CERS3: variants seen among roughly 807,000 people sequenced by gnomAD.
The protein encoded by CERS3 is LAG1 homolog, ceramide synthase 3.
A neutral mutation model predicts 50.3 loss-of-function variants in CERS3; 33 were observed. That is an observed-to-expected ratio of 0.66 (90% CI 0.50 to 0.88). The LOEUF is 0.88. Ranked by LOEUF, CERS3 falls within the 40% of genes least tolerant of loss-of-function variation. CERS3 has a pLI of 0.00. For missense variants in CERS3, 470 were observed against 460.3 expected (o/e 1.02, Z -0.19); for synonymous variants, 176 against 155.2 (o/e 1.13, Z -0.99).
At chr15:100,497,650 T>C (rs2035861444) in intron 3 of CERS3, among the ~76,000 whole-genome samples, 1 of 152,040 alleles carries the variant, frequency 6.6e-6, no homozygotes. Context: ...AAGCATAACA[T>C]TCTTCTCTAG....
chr15:100,500,188 T>A (rs957860788), intron 3 of CERS3: 1 of 152,212 alleles, frequency 6.6e-6, no homozygotes, highest in African/African-American at 2.4e-5. Flanking sequence ...AAAAGAGATA[T>A]GGCATTAGTG....
intron 11 of CERS3, among the ~76,000 whole-genome samples, chr15:100,418,996 A>G (rs1334370926): frequency 2.6e-5 from 4 of 151,506 alleles, no homozygotes; most frequent in Middle Eastern, 6.8e-3. Flanking sequence ...TGTAAAGACC[A>G]TCGAGACTAG....
At chr15:100,479,355 G>T in intron 7 of CERS3, 73 bp downstream of exon 7, 1 of 1,162,718 alleles carries the variant, frequency 8.6e-7, no homozygotes, top group Non-Finnish European at 1.3e-6. Flanking sequence ...AGGGGACCAA[G>T]ACGTAACTAA....
At chr15:100,541,890 C>T (rs1019973731) in intron 1 of CERS3, among the ~76,000 whole-genome samples, 1 of 152,130 alleles carries the variant, frequency 6.6e-6, no homozygotes, top group African/African-American at 2.4e-5. Context: ...AAATAATTTG[C>T]TTGATCCTGT....
At chr15:100,496,362 C>A (rs2035814486) in intron 3 of CERS3, among the ~76,000 whole-genome samples, 2 of 151,890 alleles carry the variant, frequency 1.3e-5, no homozygotes, top group African/African-American at 2.4e-5. Context: ...TAGAAAGGAA[C>A]CACTGATATA....
rs376498550 is a variant in CERS3 at position 100,479,609 on chromosome 15, C to T, written c.466-131G>A. The T allele has an allele frequency of 1.1e-5, 7 of 665,214 alleles. 1 individual carries two copies. The highest frequency in any genetic ancestry group is 9.1e-5 in the African/African-American group (5 of 54,966). 41.2% of individuals were successfully genotyped at this position (665,214 alleles called of 1,614,324 possible). On this transcript the variant is annotated intron_variant, in intron 6 of 11. Transcript: ENST00000679737. ...CAGGCAAAGATGCACAGGAAATTGA[C>T]CTTTGCCATATTCTTTTGCTTCTAT...
chr15:100,446,102 CT>C, intron 11 of CERS3, among the ~76,000 whole-genome samples: 1 of 103,916 alleles, frequency 9.6e-6, no homozygotes, highest in Admixed American at 1.2e-4. Context: ...CCTTCACTGA[CT>C]CTCTTTTCGG....
At chr15:100,503,710 C>G (rs1338404888) in intron 2 of CERS3, 1 of 470,970 alleles carries the variant, frequency 2.1e-6, no homozygotes, top group Non-Finnish European at 4.4e-6. Flanking sequence ...GGGCACATGC[C>G]TGGCAGCTCT....
Position 100,408,153 on chromosome 15 carries a change from T to C in CERS3, c.1000-5288A>G, listed in dbSNP as rs146160157. ...TCCCAAAGTGCTGGGATTACAGGTG[T>C]AAGCCACCACACTCGGCCAATTTTA... On this transcript the variant is annotated intron_variant, in intron 11 of 11. Coordinates refer to ENST00000679737, the MANE Select transcript of CERS3 (RefSeq NM_001378789.1). 8.8e-3 allele frequency among the ~76,000 whole-genome samples: 1,340 copies of C among 152,314 alleles called. 13 individuals are homozygous for C. The highest frequency in any genetic ancestry group is 0.03 in the African/African-American group (1,257 of 41,560).
chr15:100,408,232 C>G (rs1451857778), intron 11 of CERS3, among the ~76,000 whole-genome samples: 1 of 152,174 alleles, frequency 6.6e-6, no homozygotes, highest in African/African-American at 2.4e-5. Flanking sequence ...GTCCTGGAAC[C>G]AATCCCCCAT....
At chr15:100,454,888 A>AAAT (rs79421394) in intron 11 of CERS3, among the ~76,000 whole-genome samples, 1 of 152,096 alleles carries the variant, frequency 6.6e-6, no homozygotes, top group African/African-American at 2.4e-5. Context: ...CAACAACAAC[A>AAAT]AATAATAATG....
At chr15:100,485,535 A>C (rs920281800) in intron 4 of CERS3, among the ~76,000 whole-genome samples, 3 of 152,226 alleles carry the variant, frequency 2.0e-5, no homozygotes, top group African/African-American at 7.2e-5. Flanking sequence ...AAATATGCTC[A>C]TAAAAAATGC....
At chr15:100,417,274 A>C (rs542502126) in intron 11 of CERS3, among the ~76,000 whole-genome samples, 1 of 151,784 alleles carries the variant, frequency 6.6e-6, no homozygotes, top group Non-Finnish European at 1.5e-5. Flanking sequence ...ACTTGGGAAG[A>C]GCAAGGGGTC....
chr15:100,534,025 G>T (rs1471821000), intron 1 of CERS3, among the ~76,000 whole-genome samples: 1 of 152,206 alleles, frequency 6.6e-6, no homozygotes, highest in Non-Finnish European at 1.5e-5. Flanking sequence ...CTCTGGGAAG[G>T]CTGCAGTGCT....
intron 2 of CERS3, among the ~76,000 whole-genome samples, chr15:100,507,266 G>A (rs1596783223): frequency 6.6e-6 from 1 of 152,324 alleles, no homozygotes; most frequent in South Asian, 2.1e-4. Context: ...GTCTCTCCCA[G>A]ATGATGGCCC....
At chr15:100,517,290 A>G (rs1205567659) in intron 2 of CERS3, among the ~76,000 whole-genome samples, 2 of 152,230 alleles carry the variant, frequency 1.3e-5, no homozygotes, top group Non-Finnish European at 2.9e-5. Flanking sequence ...CACTGCAGTC[A>G]CTATTTACAT....
chr15:100,470,144 C>T (rs1298480194), intron 9 of CERS3, among the ~76,000 whole-genome samples: 2 of 152,074 alleles, frequency 1.3e-5, no homozygotes, highest in Non-Finnish European at 2.9e-5. Flanking sequence ...AGTGCATTAT[C>T]CAGCAGTGTC....
chr15:100,543,896 T>G (rs2142447554), intron 1 of CERS3, among the ~76,000 whole-genome samples: 2 of 152,326 alleles, frequency 1.3e-5, no homozygotes, highest in Middle Eastern at 6.8e-3. Flanking sequence ...GATACATGTT[T>G]TGAATTTGAG....
At chr15:100,531,495 T>C (rs1223269221), upstream of CERS3, among the ~76,000 whole-genome samples, 2 of 151,864 alleles carry the variant, frequency 1.3e-5, no homozygotes, top group Middle Eastern at 3.4e-3. Context: ...TCTAGTCATC[T>C]CCACAGCTCC....
Sources: allele counts gnomAD v4.1 joint callset (sites outside exome capture counted in the v4.1 genomes callset), GRCh38; gene constraint gnomAD v4.1.1; transcripts MANE v1.5; gene names NCBI Gene and HGNC (gene_info 2026-07-23, HGNC 2026-07-21).